TNRC6B: variants seen among roughly 807,000 people sequenced by gnomAD.
TNRC6B encodes the protein trinucleotide repeat containing adaptor 6B.
TNRC6B carries 52 observed loss-of-function variants against 203.6 expected under a neutral mutation model. That is an observed-to-expected ratio of 0.26 (90% confidence interval 0.20 to 0.32). TNRC6B has a LOEUF of 0.32. Among genes scored for constraint, TNRC6B ranks in the 10% least tolerant of loss-of-function variants. TNRC6B has a pLI of 1.00. For missense variants in TNRC6B, 1,923 were observed against 2,286.2 expected (o/e 0.84, Z 3.24); for synonymous variants, 838 against 845.7 (o/e 0.99, Z 0.16).
intron 3 of TNRC6B, among the ~76,000 whole-genome samples, chr22:40,143,765 G>T (rs752449969): frequency 2.0e-5 from 3 of 152,182 alleles, no homozygotes; most frequent in South Asian, 2.1e-4. Flanking sequence ...CAAAGTGTTG[G>T]GATTACAGGC....
At chr22:40,275,940 CAA>C (rs2070636424) in intron 7 of TNRC6B, among the ~76,000 whole-genome samples, 1 of 150,764 alleles carries the variant, frequency 6.6e-6, no homozygotes, top group African/African-American at 2.4e-5. Flanking sequence ...GCCTGGGTGA[CAA>C]GAGCGAAACT....
At chr22:40,269,654 AG>A (rs1386550582) in intron 5 of TNRC6B, among the ~76,000 whole-genome samples, 2 of 152,080 alleles carry the variant, frequency 1.3e-5, no homozygotes, top group African/African-American at 4.8e-5. Context: ...AGGCTGAGCC[AG>A]GCAGATCACA....
At chr22:40,095,382 C>T (rs1239607217) in intron 1 of TNRC6B, among the ~76,000 whole-genome samples, 1 of 152,144 alleles carries the variant, frequency 6.6e-6, no homozygotes, top group East Asian at 1.9e-4. Flanking sequence ...TCAGACCACG[C>T]ACCCTCCCAA....
At chr22:40,218,600 C>A (rs1343252278) in intron 1 of TNRC6B, among the ~76,000 whole-genome samples, 2 of 152,074 alleles carry the variant, frequency 1.3e-5, no homozygotes, top group African/African-American at 4.8e-5. Context: ...AGTGCTGGGA[C>A]TACAGATAGG....
chr22:40,273,274 T>C (rs575122348), intron 6 of TNRC6B, 151 bp from the exon 7 acceptor site: 11 of 709,430 alleles, frequency 1.6e-5, no homozygotes, highest in African/African-American at 8.9e-5. Context: ...TTTCCTGCTC[T>C]CTAAAAAATG....
At chr22:40,095,596 C>G (rs1238581982) in intron 1 of TNRC6B, among the ~76,000 whole-genome samples, 1 of 151,650 alleles carries the variant, frequency 6.6e-6, no homozygotes, top group Non-Finnish European at 1.5e-5. Flanking sequence ...TGATTTGTGA[C>G]CATGAAGCAC....
Position 40,223,700 on chromosome 22 carries a change from C to T in TNRC6B, c.6-22315C>T, listed in dbSNP as rs139569457. Among the ~76,000 whole-genome samples the T allele has an allele frequency of 9.9e-5, 15 of 152,238 alleles. No individual in the cohort carries two copies. The East Asian group carries it at 2.1e-3, about 22-fold the overall frequency. ...TGATGGACTGTTTCTGATCTTTTGCCGTTACAAACATATTTTGCAGTGAAT... is the reference window on the plus strand; with the variant it reads ...TGATGGACTGTTTCTGATCTTTTGCTGTTACAAACATATTTTGCAGTGAAT... On this transcript the variant is annotated intron_variant, in intron 1 of 22. Coordinates refer to ENST00000454349, the MANE Select transcript of TNRC6B (RefSeq NM_001162501.2).
At chr22:40,059,705 A>T (rs1454584396) in intron 1 of TNRC6B, among the ~76,000 whole-genome samples, 1 of 150,600 alleles carries the variant, frequency 6.6e-6, no homozygotes, top group Admixed American at 6.6e-5. Flanking sequence ...ATATTAAAAT[A>T]TGTTTTTTCT....
intron 1 of TNRC6B, among the ~76,000 whole-genome samples, chr22:40,082,484 A>T (rs2068070299): frequency 6.6e-6 from 1 of 152,252 alleles, no homozygotes; most frequent in Non-Finnish European, 1.5e-5. Flanking sequence ...GTTGGAGAGC[A>T]GGTAAACAGA....
intron 1 of TNRC6B, among the ~76,000 whole-genome samples, chr22:40,202,394 A>G (rs2069426222): frequency 6.6e-6 from 1 of 151,830 alleles, no homozygotes; most frequent in Admixed American, 6.6e-5. Context: ...AGGGTATTAT[A>G]ATTACAAATA....
intron 1 of TNRC6B, among the ~76,000 whole-genome samples, chr22:40,220,099 CGGTAGTAGGT>C: frequency 6.6e-6 from 1 of 152,262 alleles, no homozygotes; most frequent in South Asian, 2.1e-4. Flanking sequence ...AGAATCGCTG[CGGTAGTAGGT>C]GGGGGTGGAG....
Position 40,270,121 on chromosome 22 carries a change from G to A in TNRC6B, c.2807-1G>A. ...CTTAGAGACATTTCCTTTCTTTATA[G>A]TCTGGAGCAAAAGCACACCACCTGC... is the stretch of plus-strand genomic sequence containing the variant. On this transcript the variant is annotated splice_acceptor_variant, in intron 5 of 22. Coordinates refer to ENST00000454349, the MANE Select transcript of TNRC6B (RefSeq NM_001162501.2). LOFTEE classifies it high-confidence loss of function. 6.3e-7 allele frequency: 1 copy of A among 1,581,898 alleles called. No homozygotes were observed. The highest frequency in any genetic ancestry group is 1.8e-5 in the Admixed American group (1 of 55,002).
chr22:40,320,740 G>C (rs1344601048), intron 21 of TNRC6B, among the ~76,000 whole-genome samples: 1 of 152,160 alleles, frequency 6.6e-6, no homozygotes, highest in Non-Finnish European at 1.5e-5. Context: ...TATGAACCAG[G>C]TCAGCCATCA....
At chr22:40,226,438 G>A (rs2069786671) in intron 1 of TNRC6B, among the ~76,000 whole-genome samples, 1 of 152,110 alleles carries the variant, frequency 6.6e-6, no homozygotes, top group East Asian at 1.9e-4. Flanking sequence ...TAATCAGGAA[G>A]CCCACCTGCC....
intron 12 of TNRC6B, among the ~76,000 whole-genome samples, 197 bp downstream of exon 12, chr22:40,285,967 T>C (rs902582281): frequency 2.0e-5 from 3 of 152,230 alleles, no homozygotes; most frequent in African/African-American, 4.8e-5. Context: ...ATGAAGACTT[T>C]TAGAACAAAA....
chr22:40,232,741 A>G (rs553592901), intron 1 of TNRC6B, among the ~76,000 whole-genome samples: 1 of 152,334 alleles, frequency 6.6e-6, no homozygotes, highest in East Asian at 1.9e-4. Flanking sequence ...GGCTGGGTGC[A>G]GTGGTGCACG....
At chr22:40,061,270 A>G (rs1409330475) in intron 1 of TNRC6B, among the ~76,000 whole-genome samples, 1 of 152,130 alleles carries the variant, frequency 6.6e-6, no homozygotes, top group Non-Finnish European at 1.5e-5. Context: ...GCTGGAGTGC[A>G]ATGGTGTGAT....
At chr22:40,222,776 C>CTTTTTTTTTTTTTTTTTTTTTT (rs1461703442) in intron 1 of TNRC6B, among the ~76,000 whole-genome samples, 2 of 43,962 alleles carry the variant, frequency 4.5e-5, no homozygotes, top group East Asian at 6.3e-4. Flanking sequence ...CGGAGTTTTG[C>CTTTTTTTTTTTTTTTTTTTTTT]TCTTTTGCCC....
chr22:40,298,688 C>G (rs868372011), intron 12 of TNRC6B, among the ~76,000 whole-genome samples: 1 of 150,938 alleles, frequency 6.6e-6, no homozygotes. Context: ...GAGCTGGGGC[C>G]GGGCGCGGTG....
Sources: gnomAD v4.1 joint callset for allele counts (sites outside exome capture counted in the v4.1 genomes callset) on GRCh38, gnomAD v4.1.1 for gene constraint, MANE v1.5 for transcripts, NCBI Gene and HGNC (gene_info 2026-07-23, HGNC 2026-07-21) for gene names.